CAPN3: variants seen among roughly 807,000 people sequenced by gnomAD.
The protein encoded by CAPN3 is calpain-3.
CAPN3 carries 88 observed loss-of-function variants against 114.0 expected under a neutral mutation model. The observed-to-expected ratio is 0.77, with a 90% confidence interval of 0.65 to 0.92. CAPN3 has a LOEUF of 0.92. CAPN3 is among the 40% of genes least tolerant of loss of function. The pLI, the probability that CAPN3 is intolerant of heterozygous loss-of-function variation, is 0.00. For synonymous variants in CAPN3, 386 were observed against 382.9 expected, an observed-to-expected ratio of 1.01 and a Z score of -0.09; for missense variants, 1,028 against 1,069.0, an observed-to-expected ratio of 0.96 and a Z score of 0.53.
At chr15:42,379,983 G>A (rs1022506286) in intron 1 of CAPN3, among the ~76,000 whole-genome samples, 1 of 152,306 alleles carries the variant, frequency 6.6e-6, no homozygotes, top group Admixed American at 6.5e-5. Context: ...GAGCATGATG[G>A]TGCATGCTTG....
chr15:42,373,509 A>C (rs2053010172), intron 1 of CAPN3, among the ~76,000 whole-genome samples: 1 of 152,214 alleles, frequency 6.6e-6, no homozygotes, highest in African/African-American at 2.4e-5. Context: ...CTGCTCTTAC[A>C]TTAGAGCTGC....
At chr15:42,404,324 T>C in intron 14 of CAPN3, 1 of 456,534 alleles carries the variant, frequency 2.2e-6, no homozygotes, top group South Asian at 1.5e-5. Context: ...TGGCACAGCA[T>C]GGGCACTCAA....
chr15:42,406,355 C>T (rs2054021508), intron 15 of CAPN3, among the ~76,000 whole-genome samples: 1 of 152,068 alleles, frequency 6.6e-6, no homozygotes, highest in South Asian at 2.1e-4. Context: ...CATCATACAC[C>T]ATCAGATTTG....
rs1049698745 is a variant in CAPN3, at chr15:42,409,352, G to A, written c.1964G>A (p.Arg655Gln). The A allele has an allele frequency of 9.9e-6, 16 of 1,614,052 alleles. No homozygotes were observed. Among genetic ancestry groups the A allele is most frequent in the Admixed American group, 5.0e-5 (3 of 60,004 alleles). ...DQESEEQQQF[R>Q]NIFKQIAGDD... ...GAAAGTGAGGAACAGCAACAATTCC[G>A]GAACATTTTCAAGCAGATAGCAGGA... The change falls in exon 17 of 24, where the codon CGG (arginine) becomes CAG (glutamine). Residue 655 changes from arginine (R) to glutamine (Q), a missense_variant. By Grantham distance (43) the Arg-to-Gln change is conservative (BLOSUM62 1). Transcript: ENST00000397163.
intron 22 of CAPN3, 87 bp downstream of exon 22, chr15:42,411,087 C>A: frequency 8.4e-7 from 1 of 1,191,246 alleles, no homozygotes; most frequent in Non-Finnish European, 1.3e-6. Flanking sequence ...CCAGTCTGCT[C>A]CATCCAGGCT....
intron 9 of CAPN3, 99 bp downstream of exon 9, chr15:42,396,976 C>T (rs1255913224): frequency 2.0e-5 from 18 of 895,428 alleles, no homozygotes; most frequent in Non-Finnish European, 3.0e-5. Context: ...GATTCCAGCC[C>T]TTGGGAGATC....
chr15:42,390,790 GTTT>G (rs373599109), intron 6 of CAPN3, among the ~76,000 whole-genome samples: 1 of 110,298 alleles, frequency 9.1e-6, no homozygotes, highest in Non-Finnish European at 2.0e-5. Flanking sequence ...TTGTTTTTTT[GTTT>G]TTTTTTTTTT....
intron 2 of CAPN3, 141 bp downstream of exon 2, chr15:42,384,693 G>A (rs537350496): frequency 8.4e-6 from 6 of 711,320 alleles, no homozygotes; most frequent in South Asian, 7.3e-5. Context: ...GTTGCTTTAT[G>A]GTCGTTTATC....
chr15:42,383,400 C>A (rs189896645), intron 1 of CAPN3, among the ~76,000 whole-genome samples: 2 of 152,234 alleles, frequency 1.3e-5, no homozygotes, highest in Admixed American at 1.3e-4. Context: ...ACCAGCCTGG[C>A]CAACATGGCG....
intron 2 of CAPN3, chr15:42,385,941 G>A (rs1198816925): frequency 1.0e-4 from 73 of 717,426 alleles, no homozygotes; most frequent in Non-Finnish European, 2.6e-5. Flanking sequence ...TGAGGAAAAT[G>A]TCTAGTCACA....
chr15:42,393,084 G>A (rs556041730), intron 7 of CAPN3, among the ~76,000 whole-genome samples: 2 of 152,266 alleles, frequency 1.3e-5, no homozygotes, highest in East Asian at 1.9e-4. Context: ...GGGTAGCCAC[G>A]GGGACTGGTT....
chr15:42,397,640 C>G (rs1286231480), intron 9 of CAPN3, among the ~76,000 whole-genome samples: 1 of 140,248 alleles, frequency 7.1e-6, no homozygotes, highest in African/African-American at 2.8e-5. Flanking sequence ...GAGACTCTGT[C>G]TTGGAAAAAA....
intron 6 of CAPN3, among the ~76,000 whole-genome samples, chr15:42,390,345 G>T (rs1026089221): frequency 6.6e-6 from 1 of 152,160 alleles, no homozygotes; most frequent in African/African-American, 2.4e-5. Context: ...CTCTCATAAC[G>T]AACTATCAGA....
intron 8 of CAPN3, 24 bp downstream of exon 8, chr15:42,394,365 T>C: frequency 6.5e-7 from 1 of 1,543,070 alleles, no homozygotes; most frequent in Non-Finnish European, 8.8e-7. Flanking sequence ...CCCCACGGGA[T>C]TGGCGGTGGC....
chr15:42,370,747 G>GATA (rs1164044449), intron 1 of CAPN3, among the ~76,000 whole-genome samples: 1 of 152,184 alleles, frequency 6.6e-6, no homozygotes, highest in African/African-American at 2.4e-5. Context: ...CTGTAATGAG[G>GATA]ATAAGGATAT....
chr15:42,373,802 C>T (rs1014108766), intron 1 of CAPN3, among the ~76,000 whole-genome samples: 1 of 152,082 alleles, frequency 6.6e-6, no homozygotes, highest in Non-Finnish European at 1.5e-5. Context: ...AGTGTGAAGG[C>T]GTCATTACCC....
At chr15:42,386,119 C>T in intron 2 of CAPN3, 48 bp from the exon 3 acceptor site, 1 of 1,355,970 alleles carries the variant, frequency 7.4e-7, no homozygotes, top group South Asian at 1.2e-5. Flanking sequence ...TTTTTCTTCC[C>T]AGGAGGAGCA....
At chr15:42,366,429 C>T (rs1479483748) in intron 1 of CAPN3, among the ~76,000 whole-genome samples, 1 of 152,034 alleles carries the variant, frequency 6.6e-6, no homozygotes, top group Non-Finnish European at 1.5e-5. Context: ...GGCTGTTACA[C>T]CAGGAGAAAA....
chr15:42,386,368 G>A, intron 3 of CAPN3, 83 bp downstream of exon 3: 1 of 963,532 alleles, frequency 1.0e-6, no homozygotes, highest in Non-Finnish European at 1.7e-6. Context: ...CCAGAAGCTG[G>A]AGGAAACTTC....
Sources: allele counts gnomAD v4.1 joint callset (sites outside exome capture counted in the v4.1 genomes callset), GRCh38; gene constraint gnomAD v4.1.1; transcripts MANE v1.5; gene names NCBI Gene and HGNC (gene_info 2026-07-23, HGNC 2026-07-21).